Variants in UBE2Z observed in about 807,000 individuals in gnomAD.
UBE2Z encodes the protein ubiquitin conjugating enzyme E2 Z.
In UBE2Z, 10 loss-of-function variants were observed where a neutral mutation model predicts 32.6. That is an observed-to-expected ratio of 0.31 (90% confidence interval 0.19 to 0.52). UBE2Z has a LOEUF of 0.52. UBE2Z is among the 20% of genes least tolerant of loss of function. The pLI, the probability that UBE2Z is intolerant of heterozygous loss-of-function variation, is 0.97. For missense variants in UBE2Z, 343 were observed against 480.9 expected (o/e 0.71, Z 2.68); for synonymous variants, 183 against 190.8 (o/e 0.96, Z 0.34).
At position 48,908,581 on chromosome 17, in the gene UBE2Z, T is replaced by C; in HGVS notation, c.78T>C (p.Gly26=). 2 of 1,238,856 alleles carry C rather than the reference T, an allele frequency of 1.6e-6. No homozygotes were observed. Among genetic ancestry groups the C allele is most frequent in the Non-Finnish European group, 2.0e-6 (2 of 988,760 alleles). 76.7% of individuals were successfully genotyped at this position (1,238,856 alleles called of 1,614,324 possible). ...GCCCCGGGGCGAGCAGCGTTGCTGG[T>C]GTTGTTGGCGTTAGCGGCAGCGGCG... is the stretch of plus-strand genomic sequence containing the variant. ...AAGPGASSVA[G]VVGVSGSGGG... Residue 26 remains glycine (G), a synonymous_variant, in exon 1 of 7, where the codon GGT becomes GGC. Transcript: ENST00000360943.
Position 48,925,147 on chromosome 17 carries a change from G to T in UBE2Z, c.895-1817G>T, listed in dbSNP as rs145980941. On this transcript the variant is annotated intron_variant, in intron 6 of 6. Transcript: ENST00000360943. ...AAAATACAAAAATTAGCCAGATGTAGTGGTGCGTGCCTGTGGTCCCAGCTA... is the reference window on the plus strand; with the variant it reads ...AAAATACAAAAATTAGCCAGATGTATTGGTGCGTGCCTGTGGTCCCAGCTA... Among the ~76,000 whole-genome samples, 460 of 152,030 alleles carry T rather than the reference G, an allele frequency of 3.0e-3. 3 individuals carry two copies. Among genetic ancestry groups the T allele is most frequent in the Non-Finnish European group, 5.2e-3 (351 of 67,960 alleles).
chr17:48,910,473 T>G (rs1204495144), intron 1 of UBE2Z: 2 of 263,948 alleles, frequency 7.6e-6, no homozygotes, highest in African/African-American at 2.2e-5. Flanking sequence ...AGGTGGGGAG[T>G]GAATGAATTG....
chr17:48,908,458 C>G lies in UBE2Z; in HGVS notation c.-46C>G. ...GGAGCGGGCGGGAGCAGCGGCCGCT[C>G]TGGTCGGCGGACGTGCTGCCGAGTA... On this transcript the variant is annotated 5_prime_UTR_variant, in exon 1 of 7. Coordinates refer to ENST00000360943, the MANE Select transcript of UBE2Z (RefSeq NM_023079.5). 2 of 1,223,992 alleles carry G rather than the reference C, an allele frequency of 1.6e-6. No homozygotes were observed. Among genetic ancestry groups the G allele is most frequent in the South Asian group, 8.3e-5 (2 of 24,156 alleles). 75.8% of individuals were successfully genotyped at this position (1,223,992 alleles called of 1,614,324 possible). A position where few individuals can be genotyped will look rare whatever the true frequency, so the allele number is the denominator to read the frequency against.
rs1260540256 is a variant in UBE2Z, at chr17:48,927,343, C to G, written c.*209C>G. On this transcript the variant is annotated 3_prime_UTR_variant, in exon 7 of 7. Coordinates refer to ENST00000360943, the MANE Select transcript of UBE2Z (RefSeq NM_023079.5). ...CTTGGCACTGGAGCATCTGGGGCTT[C>G]GTTCATCCATTCATCCCGTATCAGG... The G allele has an allele frequency of 1.8e-6, 1 of 562,330 alleles. No homozygotes were observed. Among genetic ancestry groups the G allele is most frequent in the Non-Finnish European group, 3.1e-6 (1 of 317,504 alleles). 34.8% of individuals were successfully genotyped at this position (562,330 alleles called of 1,614,324 possible).
chr17:48,908,537 G>T lies in UBE2Z; in HGVS notation c.34G>T (p.Ala12Ser), dbSNP rs1203544974. 8.1e-7 allele frequency: 1 copy of T among 1,236,368 alleles called. No individual in the cohort carries two copies. 76.6% of individuals were successfully genotyped at this position (1,236,368 alleles called of 1,614,324 possible). A position where few individuals can be genotyped will look rare whatever the true frequency, so the allele number is the denominator to read the frequency against. ...AESPTEEAAT[A>S]GAGAAGPGAS... ...GAGTCCGACTGAGGAGGCGGCAACGGCGGGCGCCGGGGCGGCGGGCCCCGG... is the reference window on the plus strand; with the variant it reads ...GAGTCCGACTGAGGAGGCGGCAACGTCGGGCGCCGGGGCGGCGGGCCCCGG... Residue 12 changes from alanine (A) to serine (S), a missense_variant, in exon 1 of 7, where the codon GCG (alanine) becomes TCG (serine). Ala to Ser is a moderately conservative substitution (Grantham distance 99). Coordinates refer to ENST00000360943, the MANE Select transcript of UBE2Z (RefSeq NM_023079.5).
chr17:48,918,067 G>A (rs1379964194), intron 4 of UBE2Z, among the ~76,000 whole-genome samples: 1 of 152,088 alleles, frequency 6.6e-6, no homozygotes, highest in Admixed American at 6.6e-5. Flanking sequence ...CTCCCGAGTA[G>A]CTGGGATTAC....
chr17:48,912,887 C>G lies in UBE2Z; in HGVS notation c.444C>G (p.Phe148Leu). 1 of 1,613,816 alleles carries G rather than the reference C, an allele frequency of 6.2e-7. No individual in the cohort carries two copies. Among genetic ancestry groups the G allele is most frequent in the African/African-American group, 1.3e-5 (1 of 74,982 alleles). ...ACACTCCTTATGAAGGGGGTTTCTT[C>G]CTGTTCGTGTTTCGGTGTCCGCCCG... Reference protein sequence around the residue: ...PFDTPYEGGFFLFVFRCPPDY... With the variant: ...PFDTPYEGGFLLFVFRCPPDY... The change falls in exon 3 of 7, where the codon TTC becomes TTG. Residue 148 changes from phenylalanine to leucine, a missense_variant. Phe to Leu is a conservative substitution (Grantham distance 22). Transcript: ENST00000360943.
chr17:48,913,873 T>TTTTTG (rs140457927), intron 3 of UBE2Z, among the ~76,000 whole-genome samples: 1 of 151,746 alleles, frequency 6.6e-6, no homozygotes, highest in East Asian at 1.9e-4. Flanking sequence ...TATGGTTTCA[T>TTTTTG]TTTTGTTTTG....
chr17:48,917,078 G>A (rs568345020), intron 4 of UBE2Z, among the ~76,000 whole-genome samples: 10 of 151,864 alleles, frequency 6.6e-5, no homozygotes, highest in South Asian at 2.1e-4. Flanking sequence ...AGGCCGAGGC[G>A]GGCAGATCAC....
At chr17:48,916,249 G>GGCTTTTT (rs2040718425) in intron 4 of UBE2Z, 62 bp downstream of exon 4, 7 of 660,186 alleles carry the variant, frequency 1.1e-5, no homozygotes, top group Middle Eastern at 4.1e-4. Context: ...TTGGTTGGTT[G>GGCTTTTT]GTTTTTTTGT....
chr17:48,920,534 A>G (rs2040751970), intron 4 of UBE2Z, among the ~76,000 whole-genome samples: 1 of 151,852 alleles, frequency 6.6e-6, no homozygotes, highest in Admixed American at 6.6e-5. Flanking sequence ...GGGGCCCACC[A>G]TGGTGACGAA....
intron 1 of UBE2Z, 121 bp downstream of exon 1, chr17:48,908,941 C>T: frequency 1.3e-6 from 1 of 765,628 alleles, no homozygotes; most frequent in Non-Finnish European, 1.8e-6. Flanking sequence ...CGGCCCACCT[C>T]CACGGCCCAA....
chr17:48,908,853 G>T, intron 1 of UBE2Z, 33 bp downstream of exon 1: 8 of 1,444,500 alleles, frequency 5.5e-6, no homozygotes, highest in Non-Finnish European at 7.3e-6. Context: ...CCAGCCCCGA[G>T]CTCCGGGGCT....
chr17:48,912,560 T>G (rs1598071803), intron 2 of UBE2Z: 10 of 377,316 alleles, frequency 2.7e-5, no homozygotes, highest in East Asian at 1.3e-4. Flanking sequence ...TACTCAAGAG[T>G]GATTTTGACT....
chr17:48,911,602 A>G (rs2040678223), intron 2 of UBE2Z: 1 of 152,266 alleles, frequency 6.6e-6, no homozygotes, highest in Admixed American at 6.5e-5. Flanking sequence ...TTCTTACAGT[A>G]AAAATTCAGA....
chr17:48,928,340 A>G lies in UBE2Z; in HGVS notation c.*1206A>G, dbSNP rs912238268. ...GTGATCCTTTAGCTGGTTGGCTCAG[A>G]AAAAAAAAAATGTGCTTTAGGTGCC... On this transcript the variant is annotated 3_prime_UTR_variant, in exon 7 of 7. Coordinates refer to ENST00000360943, the MANE Select transcript of UBE2Z (RefSeq NM_023079.5). 1 of 144,928 alleles carries G rather than the reference A, an allele frequency of 6.9e-6. No homozygotes were observed. Among genetic ancestry groups the G allele is most frequent in the African/African-American group, 2.6e-5 (1 of 38,868 alleles). The allele number at this position is 144,928 out of a possible 1,614,324, so 9.0% of individuals were successfully genotyped here.
chr17:48,912,674 A>T, intron 2 of UBE2Z, 160 bp from the exon 3 acceptor site: 1 of 710,674 alleles, frequency 1.4e-6, no homozygotes, highest in Non-Finnish European at 2.4e-6. Flanking sequence ...ACGTATTAGT[A>T]TGAGTGAATA....
intron 6 of UBE2Z, among the ~76,000 whole-genome samples, chr17:48,923,350 G>A (rs1481039454): frequency 1.5e-5 from 2 of 135,354 alleles, no homozygotes; most frequent in South Asian, 4.7e-4. Context: ...AAAAAAAATA[G>A]CCAGGCGCGG....
At chr17:48,922,566 C>G (rs944593730) in intron 5 of UBE2Z, among the ~76,000 whole-genome samples, 1 of 151,334 alleles carries the variant, frequency 6.6e-6, no homozygotes, top group Non-Finnish European at 1.5e-5. Context: ...GTCAGGAGTT[C>G]CTGACCAGCC....
Sources: gnomAD v4.1 joint callset for allele counts (sites outside exome capture counted in the v4.1 genomes callset) on GRCh38, gnomAD v4.1.1 for gene constraint, MANE v1.5 for transcripts, NCBI Gene and HGNC (gene_info 2026-07-23, HGNC 2026-07-21) for gene names.